Variants in DGKI observed in about 807,000 individuals in gnomAD.
DGKI encodes diacylglycerol kinase iota.
In DGKI, 55 loss-of-function variants were observed where a neutral mutation model predicts 147.5. The observed-to-expected ratio is 0.37, with a 90% confidence interval of 0.30 to 0.47. The LOEUF (loss-of-function observed/expected upper bound fraction) is 0.47, where lower values mean the gene tolerates loss of function less well. Ranked by LOEUF, DGKI falls within the 20% of genes least tolerant of loss-of-function variation. The pLI is 1.00. For synonymous variants in DGKI, 469 were observed against 477.1 expected (o/e 0.98, Z 0.22); for missense variants, 1,007 against 1,323.8 (o/e 0.76, Z 3.71).
intron 6 of DGKI, among the ~76,000 whole-genome samples, chr7:137,642,890 A>T (rs2129007297): frequency 6.7e-6 from 1 of 149,828 alleles, no homozygotes; most frequent in Non-Finnish European, 1.5e-5. Context: ...AAGTGAAGCA[A>T]TTATTCTTCA....
At chr7:137,532,051 T>C (rs1454770857) in intron 20 of DGKI, among the ~76,000 whole-genome samples, 2 of 149,982 alleles carry the variant, frequency 1.3e-5, no homozygotes, top group East Asian at 1.9e-4. Flanking sequence ...AAATCAAAGA[T>C]TCAGAATGTG....
chr7:137,730,777 C>T (rs573175339), intron 1 of DGKI, among the ~76,000 whole-genome samples: 2 of 152,170 alleles, frequency 1.3e-5, no homozygotes, highest in East Asian at 1.9e-4. Flanking sequence ...TCACTCCCCA[C>T]GTTAAAAATC....
chr7:137,783,426 A>G (rs1423812331), intron 1 of DGKI, among the ~76,000 whole-genome samples: 1 of 152,252 alleles, frequency 6.6e-6, no homozygotes, highest in African/African-American at 2.4e-5. Context: ...TGTCAAAGAC[A>G]AAGAAAAAAG....
intron 6 of DGKI, among the ~76,000 whole-genome samples, chr7:137,624,399 C>T (rs1353667639): frequency 6.6e-6 from 1 of 152,088 alleles, no homozygotes; most frequent in East Asian, 1.9e-4. Context: ...CAAAAGAAAA[C>T]AGAAAGATGT....
intron 23 of DGKI, among the ~76,000 whole-genome samples, chr7:137,472,238 A>G (rs1467815148): frequency 3.6e-5 from 4 of 112,406 alleles, no homozygotes; most frequent in East Asian, 2.5e-4. Flanking sequence ...CATATAATAT[A>G]TGTATATATA....
At chr7:137,724,586 T>C (rs1794668298) in intron 1 of DGKI, among the ~76,000 whole-genome samples, 1 of 152,152 alleles carries the variant, frequency 6.6e-6, no homozygotes, top group African/African-American at 2.4e-5. Context: ...TGATGAATTG[T>C]TGGTAAAAAA....
intron 30 of DGKI, among the ~76,000 whole-genome samples, chr7:137,400,494 C>A (rs1811711832): frequency 6.6e-6 from 1 of 152,182 alleles, no homozygotes; most frequent in Admixed American, 6.5e-5. Flanking sequence ...ATCCTCAAGG[C>A]TTTTAATTGA....
At chr7:137,687,419 A>T (rs781593655) in intron 2 of DGKI, among the ~76,000 whole-genome samples, 4 of 152,206 alleles carry the variant, frequency 2.6e-5, no homozygotes, top group Non-Finnish European at 4.4e-5. Context: ...AAGATGAGGG[A>T]ATCAAACAAG....
intron 1 of DGKI, among the ~76,000 whole-genome samples, chr7:137,759,521 T>C (rs1293771791): frequency 6.6e-6 from 1 of 152,068 alleles, no homozygotes; most frequent in African/African-American, 2.4e-5. Flanking sequence ...TTTGTATTTT[T>C]AGTAGAGACG....
At chr7:137,545,916 G>T (rs1003857248) in intron 20 of DGKI, 1 of 702,610 alleles carries the variant, frequency 1.4e-6, no homozygotes, top group Admixed American at 2.0e-5. Context: ...AAGGAGCCGG[G>T]GGGAGCAGAC....
chr7:137,574,270 C>G (rs1275852072), intron 17 of DGKI, among the ~76,000 whole-genome samples: 1 of 152,098 alleles, frequency 6.6e-6, no homozygotes, highest in Non-Finnish European at 1.5e-5. Context: ...TAATAAAATT[C>G]TAGACATTAA....
At chr7:137,594,081 G>A (rs540595038) in intron 12 of DGKI, among the ~76,000 whole-genome samples, 1 of 152,194 alleles carries the variant, frequency 6.6e-6, no homozygotes, top group Admixed American at 6.5e-5. Flanking sequence ...GAGTCTCACT[G>A]TGTCACCCAG....
chr7:137,609,830 T>G (rs1379346832), intron 8 of DGKI, among the ~76,000 whole-genome samples: 1 of 151,600 alleles, frequency 6.6e-6, no homozygotes, highest in Non-Finnish European at 1.5e-5. Flanking sequence ...AGGCAGGGAG[T>G]AAGAACCCCA....
At chr7:137,638,545 T>TATACACATATATAC (rs1446532188) in intron 6 of DGKI, among the ~76,000 whole-genome samples, 14 of 119,080 alleles carry the variant, frequency 1.2e-4, no homozygotes, top group African/African-American at 4.3e-4. Context: ...TATATGTATA[T>TATACACATATATAC]ATATGTGTGT....
Position 137,601,950 on chromosome 7 carries a change from G to A in DGKI, c.1168-2045C>T, listed in dbSNP as rs138349948. On this transcript the variant is annotated intron_variant, in intron 10 of 32. Coordinates refer to ENST00000614521, the MANE Select transcript of DGKI (RefSeq NM_001321708.2). ...AACGAATCCTTGAGTTTCACCAAAT[G>A]ACATATTGTGCTTCCTATCAAATTC... 4.6e-5 allele frequency among the ~76,000 whole-genome samples: 7 copies of A among 152,134 alleles called. No homozygotes were observed. The East Asian group carries it at 1.2e-3, about 25-fold the overall frequency.
chr7:137,522,229 T>G (rs1816986351), intron 20 of DGKI, among the ~76,000 whole-genome samples: 1 of 152,126 alleles, frequency 6.6e-6, no homozygotes, highest in African/African-American at 2.4e-5. Context: ...GTATTTTCTA[T>G]TGATTTTTTA....
At chr7:137,478,686 G>A (rs1053954818) in intron 23 of DGKI, among the ~76,000 whole-genome samples, 6 of 152,120 alleles carry the variant, frequency 3.9e-5, no homozygotes, top group Non-Finnish European at 8.8e-5. Flanking sequence ...AATGTGGACC[G>A]TGAATTAGAC....
chr7:137,656,659 T>C (rs1046929873), intron 3 of DGKI, 119 bp from the exon 4 acceptor site: 6 of 952,506 alleles, frequency 6.3e-6, no homozygotes, highest in Non-Finnish European at 9.4e-6. Context: ...TTGTAATTAT[T>C]TCTATTACAA....
rs1798744397 is a variant in DGKI, at chr7:137,846,633, C to T, written c.230G>A (p.Gly77Glu). 1 of 1,070,560 alleles carries T rather than the reference C, an allele frequency of 9.3e-7. No homozygotes were observed. Among genetic ancestry groups the T allele is most frequent in the Non-Finnish European group, 1.1e-6 (1 of 888,714 alleles). The allele number at this position is 1,070,560 out of a possible 1,614,324, so 66.3% of individuals were successfully genotyped here. The change falls in exon 1 of 33, where the codon GGG becomes GAG. Residue 77 changes from glycine to glutamate, a missense_variant. This residue lies in a region of DGKI where 137 missense variants were observed against 114.4 expected (regional missense o/e 1.20). Coordinates refer to ENST00000614521, the MANE Select transcript of DGKI (RefSeq NM_001321708.2). The surrounding 1 kb of genome is among the most constrained non-coding windows in gnomAD (Gnocchi z 4.0). Reference sequence around the variant, plus strand: ...GCCCTCGGCGCCCAGGCAGCAGCTCCCGGCGCCGCTTCCGCTGCTGCTGCT... The same window carrying T: ...GCCCTCGGCGCCCAGGCAGCAGCTCTCGGCGCCGCTTCCGCTGCTGCTGCT... ...GGSSSSGSGA[G>E]SCCLGAEGGA...
Sources: allele counts gnomAD v4.1 joint callset (sites outside exome capture counted in the v4.1 genomes callset), GRCh38; gene constraint gnomAD v4.1.1; regional missense constraint gnomAD v4.1.1; non-coding constraint Gnocchi (gnomAD v3.1); transcripts MANE v1.5; gene names NCBI Gene and HGNC (gene_info 2026-07-23, HGNC 2026-07-21).